Variants in SLC25A26 observed in about 807,000 individuals in gnomAD.
SLC25A26 encodes solute carrier family 25 member 26, also known as mitochondrial S-adenosylmethionine carrier protein.
SLC25A26 carries 36 observed loss-of-function variants against 37.8 expected under a neutral mutation model. The ratio of observed to expected loss-of-function variants is 0.95; its 90% confidence interval spans 0.73 to 1.26. The LOEUF (loss-of-function observed/expected upper bound fraction) is 1.26, where lower values mean the gene tolerates loss of function less well. Among genes scored for constraint, SLC25A26 ranks in the 50% most tolerant of loss-of-function variants. The pLI is 0.00. For missense variants in SLC25A26, 390 were observed against 331.1 expected (o/e 1.18, Z -1.38); for synonymous variants, 129 against 122.5 (o/e 1.05, Z -0.35).
chr3:66,372,953 G>C (rs753706624), intron 9 of SLC25A26, among the ~76,000 whole-genome samples: 1 of 152,162 alleles, frequency 6.6e-6, no homozygotes, highest in Non-Finnish European at 1.5e-5. Context: ...CCCTCTCGGG[G>C]TCAAGTCAAG....
intron 1 of SLC25A26, among the ~76,000 whole-genome samples, chr3:66,184,976 T>C (rs1220851257): frequency 2.6e-5 from 4 of 152,174 alleles, no homozygotes; most frequent in Admixed American, 2.6e-4. Flanking sequence ...ATAAATGTAA[T>C]ATAAAATTTA....
Position 66,333,552 on chromosome 3 carries a change from C to T in SLC25A26, c.454-12812C>T, listed in dbSNP as rs1261572557. On this transcript the variant is annotated intron_variant, in intron 5 of 9. Coordinates refer to ENST00000354883, the MANE Select transcript of SLC25A26 (RefSeq NM_001379210.1). ...TACTGGCCTTTCTCTCTCCAAGCAC[C>T]TCTGTTTGATTTGGGGTTTATTCCC... is the stretch of plus-strand genomic sequence containing the variant. Among the ~76,000 whole-genome samples the T allele has an allele frequency of 2.0e-5, 3 of 152,184 alleles. No homozygotes were observed. The South Asian group carries it at 6.2e-4, about 32-fold the overall frequency.
intron 5 of SLC25A26, among the ~76,000 whole-genome samples, chr3:66,337,721 TAC>T (rs2076122200): frequency 6.6e-6 from 1 of 152,066 alleles, no homozygotes; most frequent in African/African-American, 2.4e-5. Context: ...GCTTTACACA[TAC>T]ACTTATTTTT....
At chr3:66,228,830 A>G (rs915920084) in intron 1 of SLC25A26, among the ~76,000 whole-genome samples, 2 of 151,842 alleles carry the variant, frequency 1.3e-5, no homozygotes, top group African/African-American at 4.8e-5. Context: ...TTGAACACTT[A>G]TATTTCTCTT....
intron 7 of SLC25A26, among the ~76,000 whole-genome samples, chr3:66,366,443 A>C (rs1425969206): frequency 6.6e-6 from 1 of 152,224 alleles, no homozygotes; most frequent in Non-Finnish European, 1.5e-5. Context: ...GAAATCTTTG[A>C]TAGTTGAAGA....
chr3:66,348,401 T>A (rs2076376318), intron 6 of SLC25A26, among the ~76,000 whole-genome samples: 1 of 152,228 alleles, frequency 6.6e-6, no homozygotes, highest in African/African-American at 2.4e-5. Flanking sequence ...GGTTGCAATG[T>A]AAAATGTATT....
chr3:66,308,823 G>A (rs1475745502), intron 5 of SLC25A26, among the ~76,000 whole-genome samples: 4 of 152,194 alleles, frequency 2.6e-5, no homozygotes, highest in Non-Finnish European at 5.9e-5. Flanking sequence ...TTCTGTTTAT[G>A]TGATGGATTA....
At chr3:66,325,898 G>A (rs1199814864) in intron 5 of SLC25A26, among the ~76,000 whole-genome samples, 1 of 152,214 alleles carries the variant, frequency 6.6e-6, no homozygotes, top group Non-Finnish European at 1.5e-5. Flanking sequence ...ATGGATCGTG[G>A]TAGGGGAATA....
chr3:66,194,395 A>G (rs2071004937), intron 1 of SLC25A26, among the ~76,000 whole-genome samples: 1 of 152,142 alleles, frequency 6.6e-6, no homozygotes, highest in Non-Finnish European at 1.5e-5. Context: ...AGAGGTGCTC[A>G]TTTTACTAGA....
intron 3 of SLC25A26, among the ~76,000 whole-genome samples, chr3:66,250,439 A>G (rs2073037803): frequency 6.6e-6 from 1 of 152,216 alleles, no homozygotes; most frequent in Admixed American, 6.5e-5. Flanking sequence ...CAATGGTGCA[A>G]GAGTGAGATG....
At position 66,245,738 on chromosome 3, in the gene SLC25A26, G is replaced by T. The variant is rs527705722; in HGVS notation, c.300+2426G>T. On this transcript the variant is annotated intron_variant, in intron 3 of 9. Transcript: ENST00000354883. ...CTTGTTTAAGAATAAGTGAACTGGG[G>T]ATATGGAAAGAGAGGTAACACAAAA... 8.0e-3 allele frequency among the ~76,000 whole-genome samples: 1,225 copies of T among 152,220 alleles called. 19 individuals are homozygous for T. The highest frequency in any genetic ancestry group is 0.028 in the African/African-American group (1,173 of 41,510).
chr3:66,365,597 C>T lies in SLC25A26; in HGVS notation c.568+2668C>T, dbSNP rs537091650. On this transcript the variant is annotated intron_variant, in intron 7 of 9. Transcript: ENST00000354883. Reference sequence around the variant, plus strand: ...CATAATAAACACCTCTGTACATTCTCTAGGAGAGAAGAGGGTGGGGGAGAA... The same window carrying T: ...CATAATAAACACCTCTGTACATTCTTTAGGAGAGAAGAGGGTGGGGGAGAA... Among the ~76,000 whole-genome samples the T allele has an allele frequency of 2.6e-5, 4 of 152,252 alleles. No individual in the cohort carries two copies. The South Asian group carries it at 8.3e-4, about 32-fold the overall frequency.
chr3:66,302,701 G>A (rs1257182986), intron 5 of SLC25A26, among the ~76,000 whole-genome samples: 1 of 152,196 alleles, frequency 6.6e-6, no homozygotes, highest in African/African-American at 2.4e-5. Flanking sequence ...TCTGTCAGAA[G>A]CAACATTGAG....
chr3:66,198,614 C>T, intron 1 of SLC25A26, among the ~76,000 whole-genome samples: 1 of 151,984 alleles, frequency 6.6e-6, no homozygotes, highest in Admixed American at 6.5e-5. Flanking sequence ...CACTCACCCT[C>T]ACCATGTCCC....
chr3:66,244,816 CA>C (rs898402415), intron 3 of SLC25A26, among the ~76,000 whole-genome samples: 61 of 144,644 alleles, frequency 4.2e-4, no homozygotes, highest in South Asian at 6.6e-4. Context: ...ACTGAAAATA[CA>C]AAAAAAAAAA....
chr3:66,270,541 T>G (rs979866711), intron 5 of SLC25A26, among the ~76,000 whole-genome samples: 1 of 152,218 alleles, frequency 6.6e-6, no homozygotes, highest in Non-Finnish European at 1.5e-5. Context: ...AAATGTGTAA[T>G]GAGACATTCT....
intron 1 of SLC25A26, among the ~76,000 whole-genome samples, chr3:66,205,398 A>C (rs2071163342): frequency 6.6e-6 from 1 of 152,162 alleles, no homozygotes; most frequent in Admixed American, 6.5e-5. Context: ...GATTATCTTA[A>C]GTTTTTGAGT....
chr3:66,135,197 T>G (rs2106652468), intron 1 of SLC25A26, among the ~76,000 whole-genome samples: 1 of 152,322 alleles, frequency 6.6e-6, no homozygotes, highest in Admixed American at 6.5e-5. Flanking sequence ...AAAATTGTTT[T>G]TAATTTTGTT....
At chr3:66,348,855 A>C (rs2076387222) in intron 6 of SLC25A26, among the ~76,000 whole-genome samples, 1 of 152,158 alleles carries the variant, frequency 6.6e-6, no homozygotes, top group Non-Finnish European at 1.5e-5. Flanking sequence ...GCAGTGTTTC[A>C]GGGCATGATG....
Sources: allele counts gnomAD v4.1 joint callset (sites outside exome capture counted in the v4.1 genomes callset), GRCh38; gene constraint gnomAD v4.1.1; transcripts MANE v1.5; gene names NCBI Gene and HGNC (gene_info 2026-07-23, HGNC 2026-07-21).